GRIP1: variants seen among roughly 807,000 people sequenced by gnomAD.
GRIP1 encodes glutamate receptor-interacting protein 1.
A neutral mutation model predicts 129.9 loss-of-function variants in GRIP1; 45 were observed. That is an observed-to-expected ratio of 0.35 (90% CI 0.27 to 0.44). The LOEUF is 0.44. Ranked by LOEUF, GRIP1 falls within the 20% of genes least tolerant of loss-of-function variation. The probability of loss-of-function intolerance (pLI) is 1.00; values close to 1 mark genes in which losing one functional copy is unlikely to be tolerated. For synonymous variants in GRIP1, 530 were observed against 520.8 expected (o/e 1.02, Z -0.24); for missense variants, 1,196 against 1,396.8 (o/e 0.86, Z 2.29).
intron 1 of GRIP1, among the ~76,000 whole-genome samples, chr12:66,945,398 G>A (rs1480283213): frequency 6.6e-6 from 1 of 152,190 alleles, no homozygotes; most frequent in African/African-American, 2.4e-5. Flanking sequence ...CTGAGGCTGA[G>A]TAATTTATAA....
chr12:66,621,896 C>T (rs543106761), intron 1 of GRIP1, among the ~76,000 whole-genome samples: 5 of 152,090 alleles, frequency 3.3e-5, no homozygotes, highest in South Asian at 2.1e-4. Flanking sequence ...TATCTTCTTT[C>T]GACAAAGGTC....
chr12:66,937,401 T>C (rs1252423397), intron 1 of GRIP1, among the ~76,000 whole-genome samples: 2 of 152,248 alleles, frequency 1.3e-5, no homozygotes, highest in African/African-American at 4.8e-5. Context: ...GTGTGTCCAC[T>C]GCTTTATCCT....
intron 7 of GRIP1, among the ~76,000 whole-genome samples, chr12:66,480,025 T>C (rs1324868164): frequency 6.6e-6 from 1 of 152,142 alleles, no homozygotes; most frequent in Non-Finnish European, 1.5e-5. Flanking sequence ...AAGGATGCCC[T>C]CTCTCACCAC....
chr12:66,811,121 C>T (rs2039093805), intron 1 of GRIP1, among the ~76,000 whole-genome samples: 1 of 152,212 alleles, frequency 6.6e-6, no homozygotes, highest in African/African-American at 2.4e-5. Flanking sequence ...GGCAGTCATT[C>T]TGAGACTGCA....
chr12:66,420,168 T>C (rs991473732), intron 15 of GRIP1, among the ~76,000 whole-genome samples: 19 of 152,144 alleles, frequency 1.2e-4, no homozygotes, highest in Non-Finnish European at 1.5e-4. Flanking sequence ...AAGTCCTGAA[T>C]TGGAAAATAA....
intron 1 of GRIP1, among the ~76,000 whole-genome samples, chr12:67,003,009 C>T (rs1472094985): frequency 6.6e-6 from 1 of 152,088 alleles, no homozygotes; most frequent in Non-Finnish European, 1.5e-5. Context: ...CATTAGGTTC[C>T]TCTACACACG....
chr12:66,744,012 TTC>T (rs1400717093), intron 1 of GRIP1, among the ~76,000 whole-genome samples: 1 of 152,168 alleles, frequency 6.6e-6, no homozygotes, highest in Non-Finnish European at 1.5e-5. Flanking sequence ...TTCAGTGCTT[TTC>T]CATTGCTTCC....
At chr12:66,617,825 C>CTT (rs767434164) in intron 1 of GRIP1, among the ~76,000 whole-genome samples, 9 of 150,666 alleles carry the variant, frequency 6.0e-5, no homozygotes, top group Non-Finnish European at 1.2e-4. Context: ...GAAATATAAT[C>CTT]TTTTTCACTT....
At chr12:66,848,079 C>T (rs2039849854) in intron 1 of GRIP1, among the ~76,000 whole-genome samples, 1 of 152,060 alleles carries the variant, frequency 6.6e-6, no homozygotes, top group South Asian at 2.1e-4. Flanking sequence ...TTTCAAATAC[C>T]GTAATGCTAA....
chr12:66,766,495 C>G (rs1175272385), intron 1 of GRIP1, among the ~76,000 whole-genome samples: 1 of 152,208 alleles, frequency 6.6e-6, no homozygotes, highest in Non-Finnish European at 1.5e-5. Context: ...ATGTCCCCCA[C>G]CAGACTGTGA....
intron 7 of GRIP1, among the ~76,000 whole-genome samples, chr12:66,490,903 CAAT>C (rs1465768142): frequency 5.3e-5 from 8 of 152,234 alleles, no homozygotes; most frequent in East Asian, 1.9e-4. Context: ...ATCAAAACAA[CAAT>C]GAGATACCAT....
chr12:66,745,395 C>A (rs755134160), intron 1 of GRIP1, among the ~76,000 whole-genome samples: 1 of 152,104 alleles, frequency 6.6e-6, no homozygotes, highest in East Asian at 1.9e-4. Flanking sequence ...TAAGGAAAAA[C>A]AGGCTGATTA....
At chr12:66,973,135 A>AT (rs1213820409) in intron 1 of GRIP1, among the ~76,000 whole-genome samples, 6 of 152,000 alleles carry the variant, frequency 3.9e-5, no homozygotes, top group African/African-American at 1.4e-4. Flanking sequence ...CACAGCCACC[A>AT]TTTTTTTCTA....
chr12:66,433,050 T>G (rs2058196747), intron 13 of GRIP1, among the ~76,000 whole-genome samples: 2 of 152,054 alleles, frequency 1.3e-5, no homozygotes, highest in Admixed American at 6.6e-5. Flanking sequence ...CCCCCAACCA[T>G]ATTTTCCAAG....
At chr12:66,363,199 CCATATATATATATATA>C (rs2054903166) in intron 23 of GRIP1, among the ~76,000 whole-genome samples, 4 of 35,328 alleles carry the variant, frequency 1.1e-4, no homozygotes, top group Admixed American at 2.5e-4. Flanking sequence ...GTGTGTGTGT[CCATATATATATATATA>C]TATATATATA....
chr12:66,998,940 T>C (rs564889686), intron 1 of GRIP1, among the ~76,000 whole-genome samples: 2 of 152,162 alleles, frequency 1.3e-5, no homozygotes, highest in Non-Finnish European at 2.9e-5. Context: ...TAAACTATAA[T>C]GATCTTCTAT....
chr12:66,864,291 CAG>C (rs2040163345), intron 1 of GRIP1, among the ~76,000 whole-genome samples: 1 of 151,856 alleles, frequency 6.6e-6, no homozygotes, highest in African/African-American at 2.4e-5. Flanking sequence ...CTCCAAATAT[CAG>C]AGACTATTTT....
intron 2 of GRIP1, chr12:66,571,204 T>C (rs1201294004): frequency 6.6e-6 from 1 of 152,186 alleles, no homozygotes; most frequent in Non-Finnish European, 1.5e-5. Flanking sequence ...GTAGCTCAAG[T>C]AGCCTGTGAA....
At chr12:66,790,590 A>G (rs2038499575) in intron 1 of GRIP1, among the ~76,000 whole-genome samples, 1 of 152,204 alleles carries the variant, frequency 6.6e-6, no homozygotes, top group Admixed American at 6.5e-5. Context: ...AAAATATAAT[A>G]GAAAACTTAG....
Sources: allele counts gnomAD v4.1 joint callset (sites outside exome capture counted in the v4.1 genomes callset), GRCh38; gene constraint gnomAD v4.1.1; transcripts MANE v1.5; gene names NCBI Gene and HGNC (gene_info 2026-07-23, HGNC 2026-07-21).